The following SUN1 variants were observed in gnomAD, a reference collection of about 807,000 sequenced individuals.
SUN1 encodes the protein Sad1 and UNC84 domain containing 1, also known as SUN domain-containing protein 1.
A neutral mutation model predicts 103.2 loss-of-function variants in SUN1; 61 were observed. The observed-to-expected ratio is 0.59, with a 90% confidence interval of 0.48 to 0.73. SUN1 has a LOEUF of 0.73. Among genes scored for constraint, SUN1 ranks in the 30% least tolerant of loss-of-function variants. The probability of loss-of-function intolerance (pLI) is 0.00; values close to 1 mark genes in which losing one functional copy is unlikely to be tolerated. For synonymous variants in SUN1, 490 were observed against 425.7 expected (o/e 1.15, Z -1.86); for missense variants, 1,052 against 1,034.6 (o/e 1.02, Z -0.23).
At chr7:815,787 C>G, upstream of SUN1, 2 of 222,450 alleles carry the variant, frequency 9.0e-6, no homozygotes, top group South Asian at 4.5e-5. Flanking sequence ...CACACATTCC[C>G]CAGAAGGGCG....
At chr7:847,287 C>T (rs372160091) in intron 5 of SUN1, among the ~76,000 whole-genome samples, 167 of 146,646 alleles carry the variant, frequency 1.1e-3, no homozygotes, top group Non-Finnish European at 2.0e-3. Context: ...GCGCCGTCTC[C>T]GGGATCCCCT....
intron 15 of SUN1, among the ~76,000 whole-genome samples, chr7:864,250 T>TA (rs2128484444): frequency 6.6e-6 from 1 of 152,112 alleles, no homozygotes; most frequent in African/African-American, 2.4e-5. Context: ...CTAAGTTATT[T>TA]AAAAATGCAC....
chr7:850,263 A>G (rs1017710556), intron 5 of SUN1: 2 of 501,890 alleles, frequency 4.0e-6, no homozygotes, highest in Admixed American at 3.5e-5. Flanking sequence ...CAGTGGTGCA[A>G]TCTTGGCTCA....
At chr7:834,040 G>C (rs1294964625) in intron 1 of SUN1, among the ~76,000 whole-genome samples, 2 of 152,174 alleles carry the variant, frequency 1.3e-5, no homozygotes, top group African/African-American at 2.4e-5. Context: ...GAAATGCAGA[G>C]GGAAGGTGGG....
At chr7:830,993 G>T (rs1797427311), upstream of SUN1, 3 of 985,494 alleles carry the variant, frequency 3.0e-6, no homozygotes, top group Non-Finnish European at 3.6e-6. Flanking sequence ...GCCTACATTG[G>T]ATCCAGGCCA....
chr7:831,819 T>G (rs4719500), upstream of SUN1: 120,107 of 154,572 alleles, frequency 0.78, 46,792 homozygotes, highest in Admixed American at 0.83. Flanking sequence ...TCACATTGCT[T>G]CTACGAGGAC....
intron 17 of SUN1, among the ~76,000 whole-genome samples, chr7:871,389 C>G (rs1310156357): frequency 6.6e-6 from 1 of 152,082 alleles, no homozygotes; most frequent in Non-Finnish European, 1.5e-5. Flanking sequence ...CTGAGTCTTT[C>G]AGAGGTTTTT....
At position 874,813 on chromosome 7, in the gene SUN1, A is replaced by G. The variant is rs1355085601; in HGVS notation, c.*1482A>G. The G allele has an allele frequency of 1.3e-5, 2 of 152,268 alleles. No homozygotes were observed. Among genetic ancestry groups the G allele is most frequent in the African/African-American group, 4.8e-5 (2 of 41,470 alleles). The allele number at this position is 152,268 out of a possible 1,614,324, so 9.4% of individuals were successfully genotyped here. ...TATTTTTGTAAATGCTTTTCAAAAT[A>G]TCTGTCTTTGGTAGTGCTTCTGCTG... On this transcript the variant is annotated 3_prime_UTR_variant, in exon 19 of 19. Transcript: ENST00000401592.
chr7:847,172 C>T lies in SUN1; in HGVS notation c.658+3652C>T, dbSNP rs1816661756. On this transcript the variant is annotated intron_variant, in intron 5 of 18. Coordinates refer to ENST00000401592, the MANE Select transcript of SUN1 (RefSeq NM_001130965.3). ...GCATTGGAGTGAAGTGGCCACGGCT[C>T]GGGTACTCTGTAGATGATTGCTAGT... Among the ~76,000 whole-genome samples, 4 of 152,180 alleles carry T rather than the reference C, an allele frequency of 2.6e-5. No homozygotes were observed. In the South Asian group the frequency reaches 6.2e-4, roughly 24 times the overall value.
Position 861,395 on chromosome 7 carries a change from G to C in SUN1, c.1795G>C (p.Val599Leu), listed in dbSNP as rs781384992. Residue 599 changes from valine to leucine, a missense_variant, in exon 15 of 19, where the codon GTG (valine) becomes CTG (leucine). Around this residue, in one of 2 missense-constraint regions of SUN1, gnomAD observed 206 missense variants for 260.1 expected, o/e 0.79. Transcript: ENST00000401592. Reference protein sequence around the residue: ...GITEAQARAIVNSALKLYSQD... With the variant: ...GITEAQARAILNSALKLYSQD... ...GTCTGTCCAGCAAGCACGTGCCATC[G>C]TGAACAGCGCCTTGAAGCTGTATTC... 1.2e-6 allele frequency: 2 copies of C among 1,614,196 alleles called. No homozygotes were observed. Among genetic ancestry groups the C allele is most frequent in the Non-Finnish European group, 1.7e-6 (2 of 1,180,034 alleles).
intron 1 of SUN1, among the ~76,000 whole-genome samples, chr7:824,326 G>C (rs1789260840): frequency 6.6e-6 from 1 of 152,230 alleles, no homozygotes; most frequent in South Asian, 2.1e-4. Flanking sequence ...TGCAGGAGGA[G>C]GATGCTGAGT....
intron 1 of SUN1, among the ~76,000 whole-genome samples, chr7:837,899 G>A (rs1450492617): frequency 6.6e-6 from 1 of 152,216 alleles, no homozygotes. Context: ...CCCTTCTTGA[G>A]ATGACACTGA....
intron 4 of SUN1, 39 bp downstream of exon 4, chr7:843,271 A>G: frequency 6.2e-7 from 1 of 1,606,174 alleles, no homozygotes; most frequent in South Asian, 1.1e-5. Flanking sequence ...ATACTTTTCA[A>G]AATAGAAGTT....
chr7:834,164 G>T (rs1324994362), intron 1 of SUN1, among the ~76,000 whole-genome samples: 3 of 151,390 alleles, frequency 2.0e-5, no homozygotes, highest in African/African-American at 7.3e-5. Flanking sequence ...GTGGGCAGGG[G>T]CTGGCCGGAT....
chr7:852,950 C>G lies in SUN1; in HGVS notation c.1051C>G (p.Gln351Glu). Residue 351 changes from glutamine to glutamate, a missense_variant and splice_region_variant, in exon 9 of 19, where the codon CAG becomes GAG. This residue lies in a region of SUN1 where 846 missense variants were observed against 774.5 expected (regional missense o/e 1.09). Coordinates refer to ENST00000401592, the MANE Select transcript of SUN1 (RefSeq NM_001130965.3). ...GACTTCTCGCCTGAAGCAGCCTCTG[C>G]AGGTAAGAGGGTAGAAAGGCCTCTC... ...PTTSRLKQPLQGDSEAFPWHW... is the reference protein window; with the variant it reads ...PTTSRLKQPLEGDSEAFPWHW... 1 of 1,611,442 alleles carries G rather than the reference C, an allele frequency of 6.2e-7. No homozygotes were observed. Among genetic ancestry groups the G allele is most frequent in the South Asian group, 1.1e-5 (1 of 90,676 alleles).
chr7:864,387 A>G lies in SUN1; in HGVS notation c.1865-1565A>G, dbSNP rs370831250. On this transcript the variant is annotated intron_variant, in intron 15 of 18. Transcript: ENST00000401592. ...ACATAGAGAAACCCCGTCTCTACTA[A>G]AAAAATGCAAAAAAAAATTATCCGG... Among the ~76,000 whole-genome samples the G allele has an allele frequency of 3.3e-5, 5 of 151,882 alleles. No homozygotes were observed. The East Asian group carries it at 7.8e-4, about 24-fold the overall frequency.
chr7:872,484 G>C lies in SUN1; in HGVS notation c.2163G>C (p.Glu721Asp), dbSNP rs996720559. 7.5e-6 allele frequency: 12 copies of C among 1,603,322 alleles called. No homozygotes were observed. Among genetic ancestry groups the C allele is most frequent in the African/African-American group, 1.3e-5 (1 of 74,946 alleles). Residue 721 changes from glutamate (E) to aspartate (D), a missense_variant, in exon 18 of 19, where the codon GAG becomes GAC. Glu to Asp is a conservative substitution (Grantham distance 45). This residue lies in a region of SUN1 where 206 missense variants were observed against 260.1 expected (regional missense o/e 0.79). Transcript: ENST00000401592. ...KDFAVYGLEN[E>D]YQEEGQLLGQ... ...CTTGTTTTCAGGGATTAGAAAATGA[G>C]TATCAGGAAGAAGGGCAGCTTCTGG...
chr7:830,411 G>A (rs1348286900), upstream of SUN1, among the ~76,000 whole-genome samples: 2 of 152,210 alleles, frequency 1.3e-5, no homozygotes, highest in Admixed American at 1.3e-4. Flanking sequence ...GGTGGGTAAG[G>A]AACCCTGTTA....
chr7:858,928 C>T (rs7794185), intron 13 of SUN1, among the ~76,000 whole-genome samples: 24,286 of 152,018 alleles, frequency 0.16, 2,053 homozygotes, highest in South Asian at 0.24. Flanking sequence ...CCGAGGTGGG[C>T]GGATCACCTG....
Sources: allele counts gnomAD v4.1 joint callset (sites outside exome capture counted in the v4.1 genomes callset), GRCh38; gene constraint gnomAD v4.1.1; regional missense constraint gnomAD v4.1.1; transcripts MANE v1.5; gene names NCBI Gene and HGNC (gene_info 2026-07-23, HGNC 2026-07-21).